FRMD6: variants seen among roughly 807,000 people sequenced by gnomAD.
FRMD6 encodes the protein FERM domain containing 6, also known as FERM domain-containing protein 6.
A neutral mutation model predicts 73.2 loss-of-function variants in FRMD6; 37 were observed. The observed-to-expected ratio is 0.51, with a 90% confidence interval of 0.39 to 0.66. The LOEUF (loss-of-function observed/expected upper bound fraction) is 0.66. FRMD6 is among the 30% of genes least tolerant of loss of function. The pLI, the probability that FRMD6 is intolerant of heterozygous loss-of-function variation, is 0.00. For missense variants in FRMD6, 714 were observed against 780.5 expected, an observed-to-expected ratio of 0.91 and a Z score of 1.02; for synonymous variants, 273 against 282.2, an observed-to-expected ratio of 0.97 and a Z score of 0.33.
intron 1 of FRMD6, among the ~76,000 whole-genome samples, chr14:51,535,061 C>G (rs1178968748): frequency 1.3e-5 from 2 of 152,206 alleles, no homozygotes; most frequent in Non-Finnish European, 2.9e-5. Flanking sequence ...GCAGTTTTCT[C>G]TTCTAATGCT....
At chr14:51,643,978 ATT>A (rs1891933003) in intron 2 of FRMD6, among the ~76,000 whole-genome samples, 1 of 149,414 alleles carries the variant, frequency 6.7e-6, no homozygotes, top group Middle Eastern at 3.2e-3. Context: ...TAGTTGAATG[ATT>A]TCTTATTAAG....
At chr14:51,467,866 G>A in the FRMD6 span, among the ~76,000 whole-genome samples, 1,211 of 152,224 alleles carry the variant, frequency 8.0e-3, 13 homozygotes, top group African/African-American at 0.027. Flanking sequence ...GGGCAGAGAC[G>A]CTCCTCACTT....
intron 2 of FRMD6, among the ~76,000 whole-genome samples, chr14:51,585,913 A>G (rs1596659371): frequency 4.7e-5 from 2 of 42,844 alleles, no homozygotes; most frequent in East Asian, 6.2e-4. Context: ...GCTGAATAGT[A>G]TGCCATGGCA....
At chr14:51,478,049 A>G in the FRMD6 span, among the ~76,000 whole-genome samples, 5 of 152,182 alleles carry the variant, frequency 3.3e-5, no homozygotes, top group South Asian at 1.0e-3. Context: ...GTTTTTTTCT[A>G]TAGCATGTTA....
intron 1 of FRMD6, among the ~76,000 whole-genome samples, chr14:51,664,978 T>C (rs1893474985): frequency 6.6e-6 from 1 of 152,194 alleles, no homozygotes; most frequent in Non-Finnish European, 1.5e-5. Flanking sequence ...GAGCAAGTTT[T>C]GAAATAAATC....
intron 2 of FRMD6, among the ~76,000 whole-genome samples, chr14:51,597,300 G>A (rs972781136): frequency 1.3e-5 from 2 of 152,206 alleles, no homozygotes; most frequent in Non-Finnish European, 2.9e-5. Flanking sequence ...CAGTACAATG[G>A]AAGTACTTCG....
intron 1 of FRMD6, among the ~76,000 whole-genome samples, chr14:51,489,650 C>T (rs1882881053): frequency 6.6e-6 from 1 of 152,198 alleles, no homozygotes; most frequent in South Asian, 2.1e-4. Context: ...TCCAATGTAA[C>T]AGCCACTGCT....
At chr14:51,404,454 T>C in the FRMD6 span, among the ~76,000 whole-genome samples, 1 of 152,162 alleles carries the variant, frequency 6.6e-6, no homozygotes, top group Non-Finnish European at 1.5e-5. Flanking sequence ...TAAGTCTTAT[T>C]TTAAAATGTT....
intron 12 of FRMD6, 131 bp from the exon 13 acceptor site, chr14:51,725,648 G>A (rs1897907888): frequency 3.1e-6 from 2 of 638,026 alleles, no homozygotes; most frequent in African/African-American, 3.7e-5. Flanking sequence ...CCACCAAAGA[G>A]TCACAGTGAA....
rs369250709 is a variant in FRMD6, at chr14:51,715,465, C to T, written c.990C>T (p.Val330=). Residue 330 remains valine (V), a synonymous_variant, in exon 10 of 14, where the codon GTC becomes GTT. Transcript: ENST00000344768. Reference sequence around the variant, plus strand: ...GCCTCTATATGAATCTGCAGCCTGTCCTGCGCCATATCCGGAAGCTGGAGG... The same window carrying T: ...GCCTCTATATGAATCTGCAGCCTGTTCTGCGCCATATCCGGAAGCTGGAGG... The part of the protein sequence containing the change: ...SHRLYMNLQP[V]LRHIRKLEEN... 16 of 1,612,190 alleles carry T rather than the reference C, an allele frequency of 9.9e-6. No homozygotes were observed. Among genetic ancestry groups the T allele is most frequent in the African/African-American group, 1.3e-5 (1 of 74,826 alleles).
At chr14:51,702,619 T>C (rs992044653) in intron 5 of FRMD6, 31 bp downstream of exon 5, 27 of 1,560,092 alleles carry the variant, frequency 1.7e-5, no homozygotes, top group Non-Finnish European at 2.3e-5. Flanking sequence ...TCTAAACGCT[T>C]TTTTTTCCCC....
chr14:51,467,899 T>C, the FRMD6 span, among the ~76,000 whole-genome samples: 3 of 151,600 alleles, frequency 2.0e-5, no homozygotes, highest in Admixed American at 6.6e-5. Context: ...GGCGGCCGGG[T>C]AGAGGCTGCA....
rs1898107106 is a variant in FRMD6, at chr14:51,728,506, A to AT, written c.*478dup. The AT allele has an allele frequency of 6.0e-6, 1 of 166,774 alleles. No individual in the cohort carries two copies. Among genetic ancestry groups the AT allele is most frequent in the East Asian group, 1.6e-4 (1 of 6,158 alleles). The allele number at this position is 166,774 out of a possible 1,614,324, so 10.3% of individuals were successfully genotyped here. A position where few individuals can be genotyped will look rare whatever the true frequency, so the allele number is the denominator to read the frequency against. On this transcript the variant is annotated 3_prime_UTR_variant, in exon 14 of 14. Coordinates refer to ENST00000344768, the MANE Select transcript of FRMD6 (RefSeq NM_001267046.2). ...TTTAACAGAGAGATGATTGCTCTGT[A>AT]TACCCATTGCTTCCTCCCTGAGGCT...
At chr14:51,725,987 C>A in intron 13 of FRMD6, 117 bp downstream of exon 13, 1 of 639,886 alleles carries the variant, frequency 1.6e-6, no homozygotes, top group Non-Finnish European at 2.8e-6. Flanking sequence ...ATGATCCTTC[C>A]TAGATACGTA....
chr14:51,510,533 G>A (rs971963820), intron 1 of FRMD6, among the ~76,000 whole-genome samples: 3 of 152,068 alleles, frequency 2.0e-5, no homozygotes, highest in Admixed American at 6.5e-5. Context: ...GTTCTAACCC[G>A]TGACTTCACT....
chr14:51,578,240 G>A (rs1731184718), intron 2 of FRMD6, among the ~76,000 whole-genome samples: 1 of 152,118 alleles, frequency 6.6e-6, no homozygotes, highest in African/African-American at 2.4e-5. Context: ...ATTTCACTTG[G>A]TTATCATAGT....
In FRMD6 at chr14:51,698,195, A is replaced by G. The variant is rs1896070376; in HGVS notation, c.153A>G (p.Leu51=). ...LLVQVCDLLR[L]KDCHLFGLSV... is the part of the protein sequence containing the mutation. ...TCCAGGTTTGTGACCTGCTCAGGCT[A>G]AAGGACTGCCACCTCTTTGGACTCA... The change falls in exon 3 of 14, where the codon CTA becomes CTG. Residue 51 remains leucine, a synonymous_variant. Coordinates refer to ENST00000344768, the MANE Select transcript of FRMD6 (RefSeq NM_001267046.2). 1.9e-6 allele frequency: 3 copies of G among 1,612,528 alleles called. No homozygotes were observed. The highest frequency in any genetic ancestry group is 2.2e-5 in the East Asian group (1 of 44,858).
At chr14:51,416,966 G>A in the FRMD6 span, among the ~76,000 whole-genome samples, 1 of 151,956 alleles carries the variant, frequency 6.6e-6, no homozygotes, top group African/African-American at 2.4e-5. Context: ...TCAGAGACTA[G>A]TATTGCAACC....
At chr14:51,508,093 C>G (rs1190185308) in intron 1 of FRMD6, among the ~76,000 whole-genome samples, 1 of 152,186 alleles carries the variant, frequency 6.6e-6, no homozygotes, top group Non-Finnish European at 1.5e-5. Flanking sequence ...TCTTCAGCCC[C>G]TCAGTCCTCC....
Sources: allele counts gnomAD v4.1 joint callset (sites outside exome capture counted in the v4.1 genomes callset), GRCh38; gene constraint gnomAD v4.1.1; transcripts MANE v1.5; gene names NCBI Gene and HGNC (gene_info 2026-07-23, HGNC 2026-07-21).